KDM7A: variants seen among roughly 807,000 people sequenced by gnomAD.
KDM7A encodes lysine-specific demethylase 7A.
KDM7A carries 28 observed loss-of-function variants against 114.8 expected under a neutral mutation model. That is an observed-to-expected ratio of 0.24 (90% CI 0.18 to 0.33). The LOEUF is 0.33. Ranked by LOEUF, KDM7A falls within the 10% of genes least tolerant of loss-of-function variation. The pLI, the probability that KDM7A is intolerant of heterozygous loss-of-function variation, is 1.00. For missense variants in KDM7A, 942 were observed against 1,142.5 expected, an observed-to-expected ratio of 0.82 and a Z score of 2.53; for synonymous variants, 423 against 397.8, an observed-to-expected ratio of 1.06 and a Z score of -0.75.
At chr7:140,118,887 G>A (rs532058333) in intron 9 of KDM7A, among the ~76,000 whole-genome samples, 2 of 152,178 alleles carry the variant, frequency 1.3e-5, no homozygotes, top group South Asian at 4.2e-4. Context: ...TTCTGATCCA[G>A]GTCTTTCATA....
chr7:140,100,590 A>G (rs1818183722), intron 12 of KDM7A, among the ~76,000 whole-genome samples: 1 of 149,644 alleles, frequency 6.7e-6, no homozygotes, highest in African/African-American at 2.4e-5. Flanking sequence ...ATCTTCTCTG[A>G]TGATTACAGT....
intron 19 of KDM7A, 93 bp from the exon 20 acceptor site, chr7:140,091,281 G>A (rs777413954): frequency 2.3e-6 from 2 of 871,318 alleles, no homozygotes; most frequent in Non-Finnish European, 3.9e-6. Flanking sequence ...TTTATGGGAA[G>A]TAAGCCCTTA....
intron 1 of KDM7A, among the ~76,000 whole-genome samples, chr7:140,147,068 C>T (rs1794346958): frequency 6.6e-6 from 1 of 152,080 alleles, no homozygotes; most frequent in Non-Finnish European, 1.5e-5. Flanking sequence ...AATTCCTCCT[C>T]CTTGATGATA....
intron 4 of KDM7A, among the ~76,000 whole-genome samples, chr7:140,128,754 A>G (rs999373900): frequency 6.6e-6 from 1 of 152,260 alleles, no homozygotes; most frequent in South Asian, 2.1e-4. Flanking sequence ...TAGTAAATAT[A>G]CAATTTTGAG....
intron 11 of KDM7A, among the ~76,000 whole-genome samples, chr7:140,110,247 A>T (rs1191645315): frequency 6.6e-6 from 1 of 152,202 alleles, no homozygotes; most frequent in Non-Finnish European, 1.5e-5. Flanking sequence ...ATCATGCATG[A>T]GATTTATATA....
intron 12 of KDM7A, among the ~76,000 whole-genome samples, chr7:140,101,651 G>A (rs182317293): frequency 1.8e-4 from 27 of 152,246 alleles, no homozygotes; most frequent in South Asian, 4.1e-4. Flanking sequence ...AGCTTCATGA[G>A]GGGCAGGGAC....
Position 140,124,715 on chromosome 7 carries a change from T to C in KDM7A, c.957A>G (p.Ser319=), listed in dbSNP as rs375375812. The C allele has an allele frequency of 1.8e-5, 29 of 1,613,248 alleles. No individual in the cohort carries two copies. In the African/African-American group the frequency reaches 3.2e-4, roughly 18 times the overall value. Reference sequence around the variant, plus strand: ...AGAACACCTCACTCTGGGTCACAGATGAACTCCAAGATTCATAACGTGCCA... The same window carrying C: ...AGAACACCTCACTCTGGGTCACAGACGAACTCCAAGATTCATAACGTGCCA... The part of the protein sequence containing the change: ...ENLARYESWS[S]SVTQSEVFFG... The change falls in exon 7 of 20, where the codon TCA becomes TCG. Residue 319 remains serine (S), a synonymous_variant. Transcript: ENST00000397560.
At chr7:140,123,988 C>T (rs1228741240) in intron 7 of KDM7A, among the ~76,000 whole-genome samples, 16 of 150,808 alleles carry the variant, frequency 1.1e-4, no homozygotes, top group African/African-American at 2.7e-4. Flanking sequence ...GAGAATGGCA[C>T]GAACCCGGGA....
intron 1 of KDM7A, among the ~76,000 whole-genome samples, chr7:140,172,969 T>TATCA (rs1794662889): frequency 6.6e-6 from 1 of 152,216 alleles, no homozygotes; most frequent in African/African-American, 2.4e-5. Flanking sequence ...ATATTGCTTT[T>TATCA]ATCAACTAAA....
chr7:140,135,205 C>CTTTTT (rs11336171), intron 2 of KDM7A, among the ~76,000 whole-genome samples: 1 of 131,850 alleles, frequency 7.6e-6, no homozygotes, highest in Non-Finnish European at 1.6e-5. Flanking sequence ...TACATAACTC[C>CTTTTT]TTTTTTTTTT....
At chr7:140,156,860 C>G (rs531543100) in intron 1 of KDM7A, among the ~76,000 whole-genome samples, 34 of 152,296 alleles carry the variant, frequency 2.2e-4, no homozygotes, top group African/African-American at 7.9e-4. Context: ...TCCCACAGAG[C>G]CTGCTGCATA....
rs1794709792 is a variant in KDM7A, at chr7:140,176,472, G to C, written c.194+272C>G. ...CGTCCCCTCGCCCCAGGCTCCCCCT[G>C]CCAACTTATCCGCCGGCCCTCTTTG... On this transcript the variant is annotated intron_variant, in intron 1 of 19. Transcript: ENST00000397560. This position sits in a 1 kb window ranked among gnomAD's most constrained non-coding sequence, Gnocchi z 4.4. Among the ~76,000 whole-genome samples the C allele has an allele frequency of 6.8e-6, 1 of 146,494 alleles. No homozygotes were observed. Among genetic ancestry groups the C allele is most frequent in the Non-Finnish European group, 1.5e-5 (1 of 65,890 alleles).
At chr7:140,150,034 T>C (rs1794382278) in intron 1 of KDM7A, among the ~76,000 whole-genome samples, 1 of 152,200 alleles carries the variant, frequency 6.6e-6, no homozygotes, top group Non-Finnish European at 1.5e-5. Context: ...GCAAGTTTTA[T>C]GGTGTAATTT....
intron 1 of KDM7A, among the ~76,000 whole-genome samples, chr7:140,171,205 A>G (rs1794634796): frequency 6.6e-6 from 1 of 151,710 alleles, no homozygotes; most frequent in Non-Finnish European, 1.5e-5. Flanking sequence ...GCTCATACCT[A>G]TTACAGGCAC....
chr7:140,101,755 T>C (rs558279558), intron 12 of KDM7A, among the ~76,000 whole-genome samples, 196 bp downstream of exon 12: 27 of 152,166 alleles, frequency 1.8e-4, no homozygotes, highest in South Asian at 4.1e-4. Flanking sequence ...ATGAGGTCTA[T>C]TCATTCAAAT....
chr7:140,162,119 T>G (rs1215270064), intron 1 of KDM7A, among the ~76,000 whole-genome samples: 1 of 152,058 alleles, frequency 6.6e-6, no homozygotes, highest in East Asian at 1.9e-4. Context: ...ACGGATCACC[T>G]GAGGTTGGGA....
At chr7:140,167,714 G>T (rs988994585) in intron 1 of KDM7A, among the ~76,000 whole-genome samples, 1 of 152,012 alleles carries the variant, frequency 6.6e-6, no homozygotes, top group South Asian at 2.1e-4. Flanking sequence ...TTGAGGTAGA[G>T]AAAGGATTGT....
chr7:140,091,374 A>C (rs1435065520), intron 19 of KDM7A, among the ~76,000 whole-genome samples, 186 bp from the exon 20 acceptor site: 1 of 151,978 alleles, frequency 6.6e-6, no homozygotes, highest in Admixed American at 6.5e-5. Flanking sequence ...CCCTCACAAG[A>C]CTCACAAGGC....
At chr7:140,164,016 T>C (rs1482945194) in intron 1 of KDM7A, among the ~76,000 whole-genome samples, 1 of 152,178 alleles carries the variant, frequency 6.6e-6, no homozygotes, top group Admixed American at 6.5e-5. Context: ...GCAGCCAGCA[T>C]GACAAAAAGA....
Sources: allele counts gnomAD v4.1 joint callset (sites outside exome capture counted in the v4.1 genomes callset), GRCh38; gene constraint gnomAD v4.1.1; non-coding constraint Gnocchi (gnomAD v3.1); transcripts MANE v1.5; gene names NCBI Gene and HGNC (gene_info 2026-07-23, HGNC 2026-07-21).